MEIG1: variants seen among roughly 807,000 people sequenced by gnomAD.
MEIG1 encodes meiosis/spermiogenesis associated 1.
MEIG1 carries 12 observed loss-of-function variants against 11.3 expected under a neutral mutation model. That is an observed-to-expected ratio of 1.07 (90% CI 0.68 to 1.73). The LOEUF (loss-of-function observed/expected upper bound fraction) is 1.73. Among genes scored for constraint, MEIG1 ranks in the 40% most tolerant of loss-of-function variants. MEIG1 has a pLI of 0.00. For synonymous variants in MEIG1, 41 were observed against 33.2 expected (o/e 1.24, Z -0.81); for missense variants, 119 against 104.9 (o/e 1.13, Z -0.59).
At chr10:14,966,063 A>ATTTT (rs1554805988) in intron 1 of MEIG1, among the ~76,000 whole-genome samples, 1 of 58,096 alleles carries the variant, frequency 1.7e-5, no homozygotes, top group Non-Finnish European at 3.4e-5. Context: ...AGTTTTATTT[A>ATTTT]TTCTTTTTTT....
intron 2 of MEIG1, among the ~76,000 whole-genome samples, chr10:14,967,678 C>T (rs1843102954): frequency 2.0e-5 from 3 of 152,042 alleles, no homozygotes; most frequent in Admixed American, 1.3e-4. Context: ...GGCTTCAATG[C>T]TTCATGCCGT....
chr10:14,976,641 G>C (rs1424168593), downstream of MEIG1, among the ~76,000 whole-genome samples: 1 of 151,848 alleles, frequency 6.6e-6, no homozygotes, highest in African/African-American at 2.4e-5. Flanking sequence ...TGTCACAGAG[G>C]GTGTACACCT....
chr10:14,974,808 TTAA>T (rs1332011147), downstream of MEIG1, among the ~76,000 whole-genome samples: 1 of 152,056 alleles, frequency 6.6e-6, no homozygotes, highest in Non-Finnish European at 1.5e-5. Flanking sequence ...ATATTAGCTC[TTAA>T]TAATTAATAT....
At chr10:14,985,215 G>A (rs10752345) in intron 1 of MEIG1, among the ~76,000 whole-genome samples, 30,646 of 151,870 alleles carry the variant, frequency 0.2, 3,435 homozygotes, top group African/African-American at 0.29. Flanking sequence ...ATCCTGGGAT[G>A]TTATTCGTAA....
At chr10:14,985,978 C>A (rs549245301) in intron 1 of MEIG1, among the ~76,000 whole-genome samples, 5 of 152,152 alleles carry the variant, frequency 3.3e-5, no homozygotes, top group Admixed American at 3.3e-4. Flanking sequence ...ACAGTGTGCA[C>A]ACCCTGTGAT....
chr10:14,957,036 A>G, upstream of MEIG1, among the ~76,000 whole-genome samples: 1 of 150,670 alleles, frequency 6.6e-6, no homozygotes, highest in East Asian at 1.9e-4. Flanking sequence ...TCTAGACGAC[A>G]AAAGAGACCC....
chr10:14,961,638 ATTTTTTT>A (rs34536061), intron 1 of MEIG1, among the ~76,000 whole-genome samples: 3 of 76,594 alleles, frequency 3.9e-5, no homozygotes, highest in African/African-American at 9.1e-5. Context: ...CATCCGGCTA[ATTTTTTT>A]TTTTTTTTTT....
Position 14,967,346 on chromosome 10 carries a change from T to A in MEIG1, c.138+740T>A, listed in dbSNP as rs114713586. 1.5e-3 allele frequency among the ~76,000 whole-genome samples: 226 copies of A among 152,210 alleles called. 1 individual carries two copies. Among genetic ancestry groups the A allele is most frequent in the African/African-American group, 5.2e-3 (214 of 41,516 alleles). ...GGCAATTATACCTTACAAACAAAAG[T>A]GTTAGAACAACTCGTGACTTTGATA... On this transcript the variant is annotated intron_variant, in intron 2 of 2. Coordinates refer to ENST00000407572, the MANE Select transcript of MEIG1 (RefSeq NM_001080836.3).
At chr10:14,981,278 G>T (rs1008655758) in intron 1 of MEIG1, among the ~76,000 whole-genome samples, 13 of 151,404 alleles carry the variant, frequency 8.6e-5, no homozygotes, top group Non-Finnish European at 1.5e-4. Context: ...TCCTCTCGGG[G>T]GACTGTAAGG....
rs1237417457 is a variant in MEIG1, at chr10:14,987,306, G to A, written n.285+292G>A. 18 of 805,400 alleles carry A rather than the reference G, an allele frequency of 2.2e-5. No individual in the cohort carries two copies. The Admixed American group carries it at 3.2e-4, about 14-fold the overall frequency. 49.9% of individuals were successfully genotyped at this position (805,400 alleles called of 1,614,324 possible). On this transcript the variant is annotated intron_variant and non_coding_transcript_variant, in intron 2 of 2. Coordinates refer to the MEIG1 transcript ENST00000467536. ...GAGCTGACAGCCAGGATGCTGAGCA[G>A]GTTCCTCAGAACCATGACCAGATAC...
the MEIG1 span, chr10:14,954,245 G>T: frequency 6.3e-6 from 4 of 632,522 alleles, no homozygotes; most frequent in Non-Finnish European, 1.1e-5. Flanking sequence ...CACGCGATGG[G>T]CCCTGAGCCC....
At chr10:14,981,740 G>A in intron 1 of MEIG1, among the ~76,000 whole-genome samples, 1 of 152,160 alleles carries the variant, frequency 6.6e-6, no homozygotes, top group East Asian at 1.9e-4. Context: ...TTTCTTTTGA[G>A]CTGAGGGCAT....
upstream of MEIG1, chr10:14,954,413 A>G (rs1842878352): frequency 3.1e-6 from 1 of 322,734 alleles, no homozygotes; most frequent in South Asian, 2.8e-5. Context: ...AACTGCGCTT[A>G]GAAATCATTC....
intron 1 of MEIG1, among the ~76,000 whole-genome samples, chr10:14,983,392 C>G (rs1206156180): frequency 6.6e-6 from 1 of 151,938 alleles, no homozygotes; most frequent in Non-Finnish European, 1.5e-5. Context: ...GCTGTGTACA[C>G]CCACCCTCTG....
At chr10:14,962,765 T>G (rs1323545146) in intron 1 of MEIG1, among the ~76,000 whole-genome samples, 2 of 151,932 alleles carry the variant, frequency 1.3e-5, no homozygotes, top group Non-Finnish European at 1.5e-5. Context: ...ATTTGGAATT[T>G]TTTTTTTTTT....
At chr10:14,957,868 G>A (rs962903709), upstream of MEIG1, among the ~76,000 whole-genome samples, 17 of 152,032 alleles carry the variant, frequency 1.1e-4, no homozygotes, top group Non-Finnish European at 1.8e-4. Context: ...GGCTGGTCTC[G>A]AACTCCTGAC....
downstream of MEIG1, among the ~76,000 whole-genome samples, chr10:14,975,532 G>C (rs796161258): frequency 5.3e-5 from 8 of 152,188 alleles, no homozygotes; most frequent in African/African-American, 1.9e-4. Flanking sequence ...TCCAGAAGAG[G>C]AGAAGATGAT....
At chr10:14,982,724 TTAA>T (rs1453779950) in intron 1 of MEIG1, among the ~76,000 whole-genome samples, 6 of 152,116 alleles carry the variant, frequency 3.9e-5, no homozygotes, top group African/African-American at 1.4e-4. Flanking sequence ...GTTACCGCAA[TTAA>T]TAATATCAAT....
At chr10:14,968,519 T>C (rs180796157) in intron 2 of MEIG1, among the ~76,000 whole-genome samples, 28 of 152,022 alleles carry the variant, frequency 1.8e-4, no homozygotes, top group Admixed American at 9.8e-4. Context: ...AAATTAAAAT[T>C]TTAAAAGTAC....
Sources: gnomAD v4.1 joint callset for allele counts (sites outside exome capture counted in the v4.1 genomes callset) on GRCh38, gnomAD v4.1.1 for gene constraint, MANE v1.5 for transcripts, NCBI Gene and HGNC (gene_info 2026-07-23, HGNC 2026-07-21) for gene names.